ZSCAN25: variants seen among roughly 807,000 people sequenced by gnomAD.
ZSCAN25 encodes zinc finger and SCAN domain containing 25, also known as zinc finger and SCAN domain-containing protein 25.
A neutral mutation model predicts 38.7 loss-of-function variants in ZSCAN25; 27 were observed. That is an observed-to-expected ratio of 0.70 (90% CI 0.51 to 0.96). The LOEUF is 0.96. Among genes scored for constraint, ZSCAN25 ranks in the 40% least tolerant of loss-of-function variants. The pLI is 0.00. For synonymous variants in ZSCAN25, 273 were observed against 277.7 expected (o/e 0.98, Z 0.17); for missense variants, 637 against 705.9 (o/e 0.90, Z 1.11).
the ZSCAN25 span, among the ~76,000 whole-genome samples, chr7:99,637,630 T>C: frequency 5.3e-5 from 8 of 152,208 alleles, no homozygotes; most frequent in African/African-American, 1.9e-4. Context: ...CTGGAACATA[T>C]TACAATGATA....
the ZSCAN25 span, chr7:99,662,744 T>C: frequency 7.1e-7 from 1 of 1,403,504 alleles, no homozygotes; most frequent in South Asian, 1.2e-5. This position sits in a 1 kb window ranked among gnomAD's most constrained non-coding sequence, Gnocchi z 4.3. Flanking sequence ...GAATACTTCC[T>C]GCACATTTTC....
chr7:99,660,327 C>T, the ZSCAN25 span: 3 of 1,227,942 alleles, frequency 2.4e-6, no homozygotes, highest in Non-Finnish European at 3.1e-6. Context: ...CTGCCAGTAG[C>T]AACCGTTCTC....
At chr7:99,714,717 A>T in the ZSCAN25 span, 1 of 1,603,442 alleles carries the variant, frequency 6.2e-7, no homozygotes, top group African/African-American at 1.3e-5. Context: ...AAACGAAACC[A>T]TTGTGAACAT....
the ZSCAN25 span, among the ~76,000 whole-genome samples, chr7:99,736,570 T>C: frequency 6.6e-6 from 1 of 152,198 alleles, no homozygotes; most frequent in Non-Finnish European, 1.5e-5. Flanking sequence ...AAGTTCTGTG[T>C]CTGCTTGGCC....
the ZSCAN25 span, among the ~76,000 whole-genome samples, chr7:99,714,890 TGAGATCAGCAGC>T: frequency 6.6e-6 from 1 of 152,292 alleles, no homozygotes; most frequent in South Asian, 2.1e-4. Context: ...ACTACAGCAG[TGAGATCAGCAGC>T]CCCTTCTGCA....
chr7:99,698,265 G>T, the ZSCAN25 span, among the ~76,000 whole-genome samples: 4 of 152,288 alleles, frequency 2.6e-5, no homozygotes, highest in Admixed American at 6.5e-5. Flanking sequence ...TGTAGTGACC[G>T]CCCCACAACA....
chr7:99,663,761 G>T, the ZSCAN25 span: 1 of 1,232,934 alleles, frequency 8.1e-7, no homozygotes, highest in Non-Finnish European at 1.0e-6. Flanking sequence ...TGTTGTGCCT[G>T]ATTTCAAGTT....
chr7:99,685,174 A>G, the ZSCAN25 span: 4 of 1,612,688 alleles, frequency 2.5e-6, no homozygotes, highest in South Asian at 1.1e-5. Flanking sequence ...CCTTGACTCA[A>G]CCTTTAGAAC....
the ZSCAN25 span, chr7:99,717,146 C>T: frequency 6.2e-7 from 1 of 1,613,356 alleles, no homozygotes. Context: ...CTCATGACAG[C>T]TCAGAACCCC....
At chr7:99,654,689 G>A in the ZSCAN25 span, among the ~76,000 whole-genome samples, 9 of 152,330 alleles carry the variant, frequency 5.9e-5, no homozygotes, top group East Asian at 1.5e-3. Flanking sequence ...CTAGTTTACA[G>A]TCCCACCAAC....
chr7:99,725,444 C>G, the ZSCAN25 span, among the ~76,000 whole-genome samples: 1 of 152,218 alleles, frequency 6.6e-6, no homozygotes, highest in African/African-American at 2.4e-5. Context: ...CAGTGTAAGA[C>G]AACCCAAGAC....
the ZSCAN25 span, among the ~76,000 whole-genome samples, chr7:99,646,583 G>A: frequency 1.3e-5 from 2 of 152,234 alleles, no homozygotes; most frequent in East Asian, 1.9e-4. Flanking sequence ...AACCATTTGA[G>A]TGTTTTCTTA....
rs1295120775 is a variant in ZSCAN25, at chr7:99,630,126, C to G, written c.*106C>G. Reference sequence around the variant, plus strand: ...AAGCACTGGTCCCATCGCCTTCCCACCCATTCGCCAACGCGGGAAAGGCAA... The same window carrying G: ...AAGCACTGGTCCCATCGCCTTCCCAGCCATTCGCCAACGCGGGAAAGGCAA... On this transcript the variant is annotated 3_prime_UTR_variant, in exon 8 of 8. Transcript: ENST00000394152. 7.0e-7 allele frequency: 1 copy of G among 1,429,266 alleles called. No individual in the cohort carries two copies. Among genetic ancestry groups the G allele is most frequent in the East Asian group, 2.5e-5 (1 of 39,482 alleles). The allele number at this position is 1,429,266 out of a possible 1,614,324, so 88.5% of individuals were successfully genotyped here.
the ZSCAN25 span, among the ~76,000 whole-genome samples, chr7:99,675,475 T>C: frequency 6.6e-6 from 1 of 151,884 alleles, no homozygotes; most frequent in African/African-American, 2.4e-5. Flanking sequence ...AAGCTCCAGG[T>C]ACACAGGATA....
At chr7:99,666,882 G>C in the ZSCAN25 span, 3 of 1,599,258 alleles carry the variant, frequency 1.9e-6, no homozygotes, top group Non-Finnish European at 2.6e-6. Context: ...AACGGACTGT[G>C]ATCTTACTTT....
downstream of ZSCAN25, among the ~76,000 whole-genome samples, chr7:99,636,794 A>G (rs894010309): frequency 1.3e-5 from 2 of 152,272 alleles, no homozygotes; most frequent in African/African-American, 4.8e-5. Context: ...CCAGCTAACC[A>G]AGTAATCTTG....
At chr7:99,671,808 A>G in the ZSCAN25 span, 3 of 702,942 alleles carry the variant, frequency 4.3e-6, no homozygotes, top group Non-Finnish European at 7.8e-6. Flanking sequence ...TTGTGACTGT[A>G]GGACAGCAGG....
At chr7:99,660,499 C>T in the ZSCAN25 span, 5 of 1,609,500 alleles carry the variant, frequency 3.1e-6, no homozygotes, top group Non-Finnish European at 3.4e-6. Flanking sequence ...ATCCCCTCAC[C>T]TTATTGGGCA....
chr7:99,695,800 G>A, the ZSCAN25 span: 176 of 1,613,614 alleles, frequency 1.1e-4, 1 homozygote, highest in Non-Finnish European at 1.5e-4. Flanking sequence ...GCCCTGGAAT[G>A]CCAAGCTTCT....
Sources: gnomAD v4.1 joint callset for allele counts (sites outside exome capture counted in the v4.1 genomes callset) on GRCh38, gnomAD v4.1.1 for gene constraint, Gnocchi (gnomAD v3.1) non-coding constraint, MANE v1.5 for transcripts, NCBI Gene and HGNC (gene_info 2026-07-23, HGNC 2026-07-21) for gene names.